Variants in AGBL1 observed in about 807,000 individuals in gnomAD.
AGBL1 encodes AGBL carboxypeptidase 1.
AGBL1 carries 130 observed loss-of-function variants against 118.9 expected under a neutral mutation model. The ratio of observed to expected loss-of-function variants is 1.09; its 90% CI spans 0.95 to 1.26. The LOEUF (loss-of-function observed/expected upper bound fraction) is 1.26. Ranked by LOEUF, AGBL1 falls within the 50% of genes most tolerant of loss-of-function variation. The pLI is 0.00. For missense variants in AGBL1, 1,584 were observed against 1,298.1 expected, an observed-to-expected ratio of 1.22 and a Z score of -3.38; for synonymous variants, 555 against 478.9, an observed-to-expected ratio of 1.16 and a Z score of -2.08.
chr15:86,369,114 G>A (rs1292772001), intron 17 of AGBL1, among the ~76,000 whole-genome samples: 2 of 152,108 alleles, frequency 1.3e-5, no homozygotes, highest in Admixed American at 6.6e-5. Context: ...ATTAATGGAT[G>A]CACTTCAGCA....
chr15:86,314,176 T>C (rs1317359862), intron 17 of AGBL1, among the ~76,000 whole-genome samples: 2 of 152,236 alleles, frequency 1.3e-5, no homozygotes, highest in Non-Finnish European at 2.9e-5. Context: ...TGACCTCTCC[T>C]GGGTATAGGT....
intron 23 of AGBL1, among the ~76,000 whole-genome samples, chr15:86,968,757 A>T (rs1342402040): frequency 6.6e-6 from 1 of 151,882 alleles, no homozygotes; most frequent in Admixed American, 6.6e-5. Context: ...TTATACACAA[A>T]AGTGTTTATT....
At chr15:86,221,733 A>C (rs1386609603) in intron 5 of AGBL1, among the ~76,000 whole-genome samples, 1 of 152,164 alleles carries the variant, frequency 6.6e-6, no homozygotes, top group Non-Finnish European at 1.5e-5. Context: ...CACTACATCC[A>C]AAACAACATA....
At chr15:86,454,085 C>T (rs2082231619) in intron 18 of AGBL1, among the ~76,000 whole-genome samples, 1 of 152,100 alleles carries the variant, frequency 6.6e-6, no homozygotes, top group Non-Finnish European at 1.5e-5. Flanking sequence ...AGACTTTGCC[C>T]TCACCCATCT....
chr15:86,918,346 T>C (rs1352632473), downstream of AGBL1, among the ~76,000 whole-genome samples: 1 of 152,166 alleles, frequency 6.6e-6, no homozygotes, highest in Non-Finnish European at 1.5e-5. Context: ...TGAGCTTGCA[T>C]CCTCTTCCCA....
At chr15:86,934,890 T>C (rs1380141573) in intron 23 of AGBL1, among the ~76,000 whole-genome samples, 1 of 152,208 alleles carries the variant, frequency 6.6e-6, no homozygotes, top group East Asian at 1.9e-4. Context: ...TTGGGGAAAT[T>C]GTTGGTAGGA....
At chr15:86,963,788 A>T (rs2081018189) in intron 23 of AGBL1, among the ~76,000 whole-genome samples, 1 of 151,992 alleles carries the variant, frequency 6.6e-6, no homozygotes, top group Non-Finnish European at 1.5e-5. Flanking sequence ...TTTCTGAACA[A>T]TGGTCCTCTG....
intron 23 of AGBL1, among the ~76,000 whole-genome samples, chr15:86,968,732 C>T (rs534181121): frequency 6.6e-6 from 1 of 151,966 alleles, no homozygotes; most frequent in African/African-American, 2.4e-5. Flanking sequence ...AACAAAATGG[C>T]TTAGACTAGG....
chr15:86,833,816 C>G (rs898163456), intron 22 of AGBL1, among the ~76,000 whole-genome samples: 1 of 152,036 alleles, frequency 6.6e-6, no homozygotes, highest in Admixed American at 6.6e-5. Flanking sequence ...ATACATGGGT[C>G]CAGAAATCAG....
At chr15:86,686,719 G>A (rs976712896) in intron 22 of AGBL1, among the ~76,000 whole-genome samples, 4 of 152,112 alleles carry the variant, frequency 2.6e-5, no homozygotes, top group African/African-American at 7.2e-5. Context: ...TTACAGGCAT[G>A]AGCCACCATG....
chr15:86,644,513 T>C (rs565465436), intron 21 of AGBL1, among the ~76,000 whole-genome samples: 3 of 152,298 alleles, frequency 2.0e-5, no homozygotes, highest in Non-Finnish European at 4.4e-5. Flanking sequence ...CTATCCTTAA[T>C]TCTAACAGCA....
intron 18 of AGBL1, among the ~76,000 whole-genome samples, chr15:86,510,815 A>G (rs1567032637): frequency 6.6e-6 from 1 of 152,118 alleles, no homozygotes; most frequent in Non-Finnish European, 1.5e-5. Context: ...TTGACTGTCC[A>G]GAGAAAAAAT....
At chr15:86,582,343 T>C (rs28506965) in intron 21 of AGBL1, among the ~76,000 whole-genome samples, 3,190 of 152,222 alleles carry the variant, frequency 0.021, 131 homozygotes, top group African/African-American at 0.073. Flanking sequence ...TACTGGTCTA[T>C]ATAATCTTTA....
intron 22 of AGBL1, among the ~76,000 whole-genome samples, chr15:86,704,346 A>T (rs1199877419): frequency 6.6e-6 from 1 of 152,234 alleles, no homozygotes; most frequent in African/African-American, 2.4e-5. Flanking sequence ...CAGAGTGAAC[A>T]GGCACCCTAC....
intron 22 of AGBL1, among the ~76,000 whole-genome samples, chr15:86,750,706 G>A (rs2077836756): frequency 6.6e-6 from 1 of 151,852 alleles, no homozygotes; most frequent in Admixed American, 6.6e-5. Context: ...TTGTGTCATG[G>A]GCATTTGTTG....
intron 6 of AGBL1, among the ~76,000 whole-genome samples, chr15:86,228,133 G>A (rs1208642096): frequency 1.3e-5 from 2 of 152,188 alleles, no homozygotes; most frequent in African/African-American, 2.4e-5. Flanking sequence ...GGGCATAGAA[G>A]TGTTGTGGAA....
chr15:87,003,135 A>G (rs888404267), intron 24 of AGBL1, among the ~76,000 whole-genome samples: 1 of 152,046 alleles, frequency 6.6e-6, no homozygotes, highest in African/African-American at 2.4e-5. Context: ...AGCTCTTATT[A>G]TTTTCAGATA....
At chr15:86,720,850 A>G (rs1025333481) in intron 22 of AGBL1, among the ~76,000 whole-genome samples, 10 of 152,238 alleles carry the variant, frequency 6.6e-5, no homozygotes, top group African/African-American at 2.2e-4. Context: ...ACAAACTACC[A>G]TCAGAGAATA....
chr15:86,352,575 G>A (rs953148050), intron 17 of AGBL1, among the ~76,000 whole-genome samples: 14 of 151,764 alleles, frequency 9.2e-5, no homozygotes, highest in Admixed American at 3.3e-4. Flanking sequence ...TCTGCCTCCC[G>A]GGTTAAAGCA....
Sources: allele counts gnomAD v4.1 joint callset (sites outside exome capture counted in the v4.1 genomes callset), GRCh38; gene constraint gnomAD v4.1.1; transcripts MANE v1.5; gene names NCBI Gene and HGNC (gene_info 2026-07-23, HGNC 2026-07-21).